TRIM71: variants seen among roughly 807,000 people sequenced by gnomAD.
TRIM71 encodes the protein E3 ubiquitin-protein ligase TRIM71.
Under a neutral mutation model 61.2 loss-of-function variants are expected in TRIM71, and 9 were observed. The observed-to-expected ratio is 0.15, with a 90% CI of 0.09 to 0.26. The LOEUF is 0.26. Among genes scored for constraint, TRIM71 ranks in the 10% least tolerant of loss-of-function variants. The probability of loss-of-function intolerance (pLI) is 1.00; values close to 1 mark genes in which losing one functional copy is unlikely to be tolerated. For missense variants in TRIM71, 998 were observed against 1,238.7 expected (o/e 0.81, Z 2.92); for synonymous variants, 645 against 553.2 (o/e 1.17, Z -2.33).
At chr3:32,865,788 G>A (rs1054350717) in intron 1 of TRIM71, among the ~76,000 whole-genome samples, 13 of 2,280 alleles carry the variant, frequency 5.7e-3, no homozygotes, top group Non-Finnish European at 9.0e-3. Flanking sequence ...TTTGCCGCCC[G>A]CCGGCCCCCC....
At chr3:32,871,294 A>G (rs1040784603) in intron 1 of TRIM71, among the ~76,000 whole-genome samples, 5 of 152,158 alleles carry the variant, frequency 3.3e-5, no homozygotes, top group African/African-American at 1.2e-4. Context: ...GGTAGTTACA[A>G]TTTGCAAGAG....
At chr3:32,860,166 C>T (rs761380827) in intron 1 of TRIM71, among the ~76,000 whole-genome samples, 39 of 148,928 alleles carry the variant, frequency 2.6e-4, no homozygotes, top group Non-Finnish European at 5.8e-4. Flanking sequence ...CCTCTCCTCC[C>T]CTTCCCTCTC....
At chr3:32,856,909 T>A (rs372685680) in intron 1 of TRIM71, among the ~76,000 whole-genome samples, 2 of 152,172 alleles carry the variant, frequency 1.3e-5, no homozygotes, top group East Asian at 3.9e-4. Context: ...GGATGAATTC[T>A]CCACCACCAC....
At chr3:32,824,829 G>C (rs1276026424) in intron 1 of TRIM71, among the ~76,000 whole-genome samples, 1 of 151,700 alleles carries the variant, frequency 6.6e-6, no homozygotes, top group Non-Finnish European at 1.5e-5. Flanking sequence ...GAGTCTCGCT[G>C]TGTCACCCAG....
intron 1 of TRIM71, among the ~76,000 whole-genome samples, chr3:32,870,591 A>G (rs1247728910): frequency 6.6e-6 from 1 of 152,150 alleles, no homozygotes; most frequent in Non-Finnish European, 1.5e-5. Flanking sequence ...TTTCGCTGCC[A>G]TACCGGCCAC....
At chr3:32,877,898 T>A (rs1000900601) in intron 2 of TRIM71, among the ~76,000 whole-genome samples, 2 of 152,176 alleles carry the variant, frequency 1.3e-5, no homozygotes, top group African/African-American at 2.4e-5. Context: ...ATCCTATTAA[T>A]GTTGATATTT....
chr3:32,865,989 G>A (rs1179463310), intron 1 of TRIM71, among the ~76,000 whole-genome samples: 1 of 151,694 alleles, frequency 6.6e-6, no homozygotes, highest in Non-Finnish European at 1.5e-5. Context: ...ACTACGCCTG[G>A]CTAATTTTTG....
At position 32,818,794 on chromosome 3, in the gene TRIM71, C is replaced by G; in HGVS notation, c.714C>G (p.Ile238Met). 1 of 1,608,082 alleles carries G rather than the reference C, an allele frequency of 6.2e-7. No individual in the cohort carries two copies. Among genetic ancestry groups the G allele is most frequent in the Non-Finnish European group, 8.5e-7 (1 of 1,177,900 alleles). Residue 238 changes from isoleucine to methionine, a missense_variant, in exon 1 of 4, where the codon ATC (isoleucine) becomes ATG (methionine). Physicochemically the swap from Ile to Met is conservative, Grantham distance 10. This residue lies in a region of TRIM71 where 527 missense variants were observed against 427.8 expected (regional missense o/e 1.23). Coordinates refer to ENST00000383763, the MANE Select transcript of TRIM71 (RefSeq NM_001039111.3). ...TGCGCCTCACCAAGGACCACTACAT[C>G]GAGCGCGGCCCGCCGGGTCCCGGTG... ...QRVRLTKDHY[I>M]ERGPPGPGAA...
At chr3:32,861,182 AATCT>A (rs1325467037) in intron 1 of TRIM71, among the ~76,000 whole-genome samples, 1 of 151,208 alleles carries the variant, frequency 6.6e-6, no homozygotes, top group African/African-American at 2.4e-5. Flanking sequence ...TAAAGTAAAT[AATCT>A]TTTTTTTTTT....
intron 1 of TRIM71, among the ~76,000 whole-genome samples, chr3:32,830,825 T>G (rs1308648605): frequency 2.6e-5 from 4 of 152,226 alleles, no homozygotes; most frequent in Non-Finnish European, 4.4e-5. Flanking sequence ...TTTTTTTATT[T>G]GTTTTGATGT....
intron 2 of TRIM71, among the ~76,000 whole-genome samples, chr3:32,877,650 G>T (rs1276663029): frequency 6.6e-6 from 1 of 152,104 alleles, no homozygotes; most frequent in African/African-American, 2.4e-5. Context: ...CAGCTACCTT[G>T]CCCAGCCTGA....
At chr3:32,858,934 A>G (rs917557617) in intron 1 of TRIM71, among the ~76,000 whole-genome samples, 5 of 152,130 alleles carry the variant, frequency 3.3e-5, no homozygotes, top group Admixed American at 6.5e-5. Context: ...TTTTCCCACC[A>G]TAGCAGGTCT....
intron 1 of TRIM71, among the ~76,000 whole-genome samples, chr3:32,831,597 G>A (rs1696271848): frequency 7.0e-6 from 1 of 142,604 alleles, no homozygotes; most frequent in Admixed American, 7.3e-5. Context: ...GGAGTACAAT[G>A]GCGCGATCTC....
intron 1 of TRIM71, among the ~76,000 whole-genome samples, chr3:32,829,064 GCTCACT>G (rs1377516508): frequency 1.3e-5 from 2 of 151,930 alleles, no homozygotes; most frequent in Non-Finnish European, 2.9e-5. Context: ...TGTGATCTCG[GCTCACT>G]GCAACCTCCG....
At chr3:32,837,239 A>C (rs1415573908) in intron 1 of TRIM71, among the ~76,000 whole-genome samples, 1 of 152,188 alleles carries the variant, frequency 6.6e-6, no homozygotes, top group African/African-American at 2.4e-5. Flanking sequence ...ATTGATATAA[A>C]GGTGTTTTGA....
intron 1 of TRIM71, among the ~76,000 whole-genome samples, chr3:32,855,843 C>T (rs1448523051): frequency 6.6e-6 from 1 of 152,128 alleles, no homozygotes; most frequent in East Asian, 1.9e-4. Flanking sequence ...AAACAACCCA[C>T]AGTTCAGAGG....
At chr3:32,888,769 ACCTCAGGTGGTCCACC>A (rs1696990294) in intron 3 of TRIM71, among the ~76,000 whole-genome samples, 1 of 152,046 alleles carries the variant, frequency 6.6e-6, no homozygotes, top group African/African-American at 2.4e-5. Context: ...TGAACTCCTG[ACCTCAGGTGGTCCACC>A]CATCTTGGCC....
In TRIM71 at chr3:32,893,803, C is replaced by T. The variant is rs1697052115; in HGVS notation, c.*1992C>T. 6.6e-6 allele frequency: 1 copy of T among 152,076 alleles called. No individual in the cohort carries two copies. Among genetic ancestry groups the T allele is most frequent in the Non-Finnish European group, 1.5e-5 (1 of 68,010 alleles). The allele number at this position is 152,076 out of a possible 1,614,324, so 9.4% of individuals were successfully genotyped here. A position where few individuals can be genotyped will look rare whatever the true frequency, so the allele number is the denominator to read the frequency against. ...TTTAATTTACTACTACTACAAGCTA[C>T]TCTGTCTCTTCCCATTGCTTTAATT... On this transcript the variant is annotated 3_prime_UTR_variant, in exon 4 of 4. Transcript: ENST00000383763.
chr3:32,881,903 T>G (rs1442034369), intron 2 of TRIM71, among the ~76,000 whole-genome samples: 1 of 152,216 alleles, frequency 6.6e-6, no homozygotes, highest in Non-Finnish European at 1.5e-5. Context: ...GTAGGGCTTT[T>G]GTGACTCTCA....
Sources: allele counts gnomAD v4.1 joint callset (sites outside exome capture counted in the v4.1 genomes callset), GRCh38; gene constraint gnomAD v4.1.1; regional missense constraint gnomAD v4.1.1; transcripts MANE v1.5; gene names NCBI Gene and HGNC (gene_info 2026-07-23, HGNC 2026-07-21).